The following PDGFD variants were observed in gnomAD, a reference collection of about 807,000 sequenced individuals.
The protein encoded by PDGFD is platelet-derived growth factor D.
Under a neutral mutation model 44.7 loss-of-function variants are expected in PDGFD, and 30 were observed. The ratio of observed to expected loss-of-function variants is 0.67; its 90% CI spans 0.50 to 0.91. The LOEUF (loss-of-function observed/expected upper bound fraction) is 0.91. Ranked by LOEUF, PDGFD falls within the 40% of genes least tolerant of loss-of-function variation. The pLI, the probability that PDGFD is intolerant of heterozygous loss-of-function variation, is 0.00. For synonymous variants in PDGFD, 173 were observed against 168.4 expected, an observed-to-expected ratio of 1.03 and a Z score of -0.21; for missense variants, 445 against 457.8, an observed-to-expected ratio of 0.97 and a Z score of 0.25.
intron 6 of PDGFD, among the ~76,000 whole-genome samples, chr11:103,923,443 T>C (rs1858256457): frequency 6.6e-6 from 1 of 152,164 alleles, no homozygotes; most frequent in Admixed American, 6.5e-5. Flanking sequence ...CACTGAAATA[T>C]TTGTGGAGAA....
chr11:104,036,933 G>C, intron 1 of PDGFD: 1 of 1,614,232 alleles, frequency 6.2e-7, no homozygotes, highest in East Asian at 2.2e-5. Context: ...GCGAAGCGGA[G>C]TCCAGAGTCC....
chr11:104,078,409 T>A (rs1450950544), intron 1 of PDGFD, among the ~76,000 whole-genome samples: 1 of 152,174 alleles, frequency 6.6e-6, no homozygotes. Context: ...CTCAGATTTA[T>A]CCTTTTCTAC....
At position 103,913,393 on chromosome 11, in the gene PDGFD, G is replaced by A. The variant is rs1858062754; in HGVS notation, c.988-3574C>T. On this transcript the variant is annotated intron_variant, in intron 6 of 6. Transcript: ENST00000393158. The stretch of plus-strand genomic sequence containing the variant: ...CATGGAAACTGAACAACCTGCTCCT[G>A]AATGACTACTGGGTAAATAACAAAA... Among the ~76,000 whole-genome samples, 7 of 152,252 alleles carry A rather than the reference G, an allele frequency of 4.6e-5. 1 individual carries two copies. The South Asian group carries it at 1.5e-3, about 32-fold the overall frequency.
At chr11:104,091,468 G>C (rs1338916505) in intron 1 of PDGFD, among the ~76,000 whole-genome samples, 1 of 152,114 alleles carries the variant, frequency 6.6e-6, no homozygotes, top group African/African-American at 2.4e-5. Flanking sequence ...CAATGTGACT[G>C]AGCTAAGAGC....
chr11:104,162,485 G>A (rs929950244), intron 1 of PDGFD, among the ~76,000 whole-genome samples: 1 of 151,992 alleles, frequency 6.6e-6, no homozygotes, highest in Non-Finnish European at 1.5e-5. Flanking sequence ...AATAAATTAC[G>A]TGCTTTTAAC....
chr11:104,016,310 GT>G (rs1187325848), intron 1 of PDGFD, among the ~76,000 whole-genome samples: 3 of 152,242 alleles, frequency 2.0e-5, no homozygotes, highest in Non-Finnish European at 4.4e-5. Flanking sequence ...TGTGACAGCA[GT>G]TTCAGCTATC....
At chr11:104,084,627 A>G (rs930137360) in intron 1 of PDGFD, among the ~76,000 whole-genome samples, 1 of 147,170 alleles carries the variant, frequency 6.8e-6, no homozygotes, top group African/African-American at 2.5e-5. Flanking sequence ...AAATATACAT[A>G]TATAATATAT....
intron 1 of PDGFD, among the ~76,000 whole-genome samples, chr11:104,150,178 G>A (rs1209869372): frequency 2.0e-5 from 3 of 152,112 alleles, no homozygotes; most frequent in Non-Finnish European, 4.4e-5. Flanking sequence ...AATGACACAT[G>A]AGGTTAATGA....
chr11:104,114,788 T>C (rs991482444), intron 1 of PDGFD, among the ~76,000 whole-genome samples: 6 of 152,082 alleles, frequency 3.9e-5, no homozygotes, highest in African/African-American at 1.4e-4. Flanking sequence ...GTTTTGTTGT[T>C]TTCCTCATAT....
chr11:103,961,083 T>C (rs1416763625), intron 3 of PDGFD, among the ~76,000 whole-genome samples: 1 of 152,170 alleles, frequency 6.6e-6, no homozygotes, highest in African/African-American at 2.4e-5. Context: ...GTCTCTCCAT[T>C]AGGGTGTAAG....
chr11:104,010,637 T>C (rs192914613), intron 1 of PDGFD, among the ~76,000 whole-genome samples: 23 of 152,250 alleles, frequency 1.5e-4, no homozygotes, highest in African/African-American at 4.8e-4. Context: ...TTTAGAATAT[T>C]TGAATCTGGA....
intron 1 of PDGFD, among the ~76,000 whole-genome samples, chr11:104,080,671 C>A (rs1861032342): frequency 6.6e-6 from 1 of 152,142 alleles, no homozygotes. Flanking sequence ...TGTGTAGCAC[C>A]CTTATGCTTT....
At chr11:104,080,075 T>G (rs187682080) in intron 1 of PDGFD, among the ~76,000 whole-genome samples, 1 of 152,180 alleles carries the variant, frequency 6.6e-6, no homozygotes, top group Non-Finnish European at 1.5e-5. Flanking sequence ...AATTCTACAC[T>G]AACTGGGACT....
chr11:104,029,448 G>GT (rs1220345962), intron 1 of PDGFD, among the ~76,000 whole-genome samples: 2 of 152,182 alleles, frequency 1.3e-5, no homozygotes, highest in African/African-American at 4.8e-5. Flanking sequence ...CTCAGCTGCT[G>GT]TTTAGAATAG....
chr11:103,984,829 A>T (rs182230629), intron 3 of PDGFD, among the ~76,000 whole-genome samples: 2,375 of 142,904 alleles, frequency 0.017, 110 homozygotes, highest in African/African-American at 0.056. Context: ...TTTAATATAT[A>T]ATATATTAAT....
intron 5 of PDGFD, among the ~76,000 whole-genome samples, chr11:103,938,055 T>C (rs1858520303): frequency 6.6e-6 from 1 of 151,732 alleles, no homozygotes; most frequent in Non-Finnish European, 1.5e-5. Flanking sequence ...TTATAATCCT[T>C]TGGGTATATA....
At chr11:103,980,428 G>A (rs556680303) in intron 3 of PDGFD, among the ~76,000 whole-genome samples, 43 of 152,068 alleles carry the variant, frequency 2.8e-4, no homozygotes, top group Non-Finnish European at 4.6e-4. Flanking sequence ...CTATTTTCAT[G>A]AGTAATTCAA....
At chr11:104,049,236 G>A (rs1018863770) in intron 1 of PDGFD, among the ~76,000 whole-genome samples, 1 of 152,220 alleles carries the variant, frequency 6.6e-6, no homozygotes, top group South Asian at 2.1e-4. Flanking sequence ...CAGGGTCAGG[G>A]AAGGTTTCTG....
chr11:104,063,937 C>T (rs755446120), intron 1 of PDGFD, among the ~76,000 whole-genome samples: 4 of 152,032 alleles, frequency 2.6e-5, no homozygotes, highest in Non-Finnish European at 5.9e-5. Context: ...GGAAAGCCAA[C>T]GGAAGAAGGG....
Sources: allele counts gnomAD v4.1 joint callset (sites outside exome capture counted in the v4.1 genomes callset), GRCh38; gene constraint gnomAD v4.1.1; transcripts MANE v1.5; gene names NCBI Gene and HGNC (gene_info 2026-07-23, HGNC 2026-07-21).